Variants in MITF observed in about 807,000 individuals in gnomAD.
The protein encoded by MITF is microphthalmia-associated transcription factor.
MITF carries 17 observed loss-of-function variants against 60.5 expected under a neutral mutation model. That is an observed-to-expected ratio of 0.28 (90% CI 0.19 to 0.42). MITF has a LOEUF of 0.42. MITF is among the 10% of genes least tolerant of loss of function. The pLI is 1.00. For missense variants in MITF, 622 were observed against 683.5 expected (o/e 0.91, Z 1.00); for synonymous variants, 260 against 248.5 (o/e 1.05, Z -0.43).
chr3:69,950,951 A>G (rs1341519663), intron 6 of MITF, among the ~76,000 whole-genome samples: 1 of 152,144 alleles, frequency 6.6e-6, no homozygotes, highest in Non-Finnish European at 1.5e-5. Context: ...TATAGACTCA[A>G]GCTAGTAAAT....
intron 1 of MITF, among the ~76,000 whole-genome samples, chr3:69,869,258 C>T (rs1336461674): frequency 2.0e-5 from 3 of 152,150 alleles, no homozygotes; most frequent in Non-Finnish European, 4.4e-5. Context: ...CTCTGCCCTC[C>T]TGGAGCAGAT....
intron 1 of MITF, among the ~76,000 whole-genome samples, chr3:69,800,298 G>T (rs2062897826): frequency 6.6e-6 from 1 of 152,062 alleles, no homozygotes; most frequent in Non-Finnish European, 1.5e-5. Context: ...CCTTTTTATG[G>T]ACAAGTAATA....
chr3:69,753,203 C>T (rs536123668), intron 1 of MITF, among the ~76,000 whole-genome samples: 2 of 152,324 alleles, frequency 1.3e-5, no homozygotes, highest in South Asian at 2.1e-4. Flanking sequence ...AGGTTACACT[C>T]AGGCCACTGC....
intron 1 of MITF, among the ~76,000 whole-genome samples, chr3:69,750,471 C>CTT (rs199909971): frequency 2.3e-3 from 279 of 123,804 alleles, no homozygotes; most frequent in African/African-American, 8.0e-3. Flanking sequence ...AGTGACACTC[C>CTT]TTTTTTTTTT....
At chr3:69,815,997 G>A (rs1223514966) in intron 1 of MITF, among the ~76,000 whole-genome samples, 1 of 152,118 alleles carries the variant, frequency 6.6e-6, no homozygotes, top group Non-Finnish European at 1.5e-5. Context: ...AACACTCCTG[G>A]TGTTTAAAGA....
At chr3:69,804,731 C>G (rs1230967985) in intron 1 of MITF, among the ~76,000 whole-genome samples, 1 of 152,212 alleles carries the variant, frequency 6.6e-6, no homozygotes, top group Non-Finnish European at 1.5e-5. Context: ...TCTGCAGGGT[C>G]TCAGAGTCCT....
chr3:69,855,836 G>C (rs1436463863), intron 1 of MITF, among the ~76,000 whole-genome samples: 1 of 152,162 alleles, frequency 6.6e-6, no homozygotes, highest in Non-Finnish European at 1.5e-5. Context: ...TAGCATGCCT[G>C]ACATTTTGTT....
chr3:69,936,493 G>A, intron 2 of MITF: 3 of 927,072 alleles, frequency 3.2e-6, no homozygotes, highest in Non-Finnish European at 4.5e-6. Context: ...CAAACTCGTA[G>A]GGCTTCCAAA....
intron 5 of MITF, among the ~76,000 whole-genome samples, chr3:69,944,755 G>A (rs561073187): frequency 2.0e-5 from 3 of 151,998 alleles, no homozygotes; most frequent in African/African-American, 7.3e-5. Context: ...ATTATAAGAG[G>A]TAGCCCACAA....
Position 69,771,856 on chromosome 3 carries a change from G to A in MITF, c.104+32155G>A, listed in dbSNP as rs534583628. On this transcript the variant is annotated intron_variant, in intron 1 of 9. Transcript: ENST00000352241. ...GAATTGGACTGGGTAGCCTGCCATC[G>A]CGATGCATGCTTGATGCATGAGAGG... 3.9e-5 allele frequency among the ~76,000 whole-genome samples: 6 copies of A among 152,250 alleles called. No individual in the cohort carries two copies. In the Middle Eastern group the frequency reaches 0.01, roughly 259 times the overall value.
intron 7 of MITF, among the ~76,000 whole-genome samples, chr3:69,952,385 T>C (rs1373706442): frequency 6.6e-6 from 1 of 152,188 alleles, no homozygotes; most frequent in Non-Finnish European, 1.5e-5. Flanking sequence ...ATTTAAAATA[T>C]TTTTTACGTG....
chr3:69,933,549 A>G (rs1259605325), intron 2 of MITF, among the ~76,000 whole-genome samples: 1 of 152,222 alleles, frequency 6.6e-6, no homozygotes, highest in African/African-American at 2.4e-5. Context: ...GTGAAATTAC[A>G]GGAGTGCTAA....
Position 69,792,998 on chromosome 3 carries a change from C to CTTTTTTTTTTTTTTTT in MITF, c.104+53315_104+53330dup, listed in dbSNP as rs58440406. Among the ~76,000 whole-genome samples, 3 of 31,094 alleles carry CTTTTTTTTTTTTTTTT rather than the reference C, an allele frequency of 9.6e-5. 1 individual carries two copies. The highest frequency in any genetic ancestry group is 5.5e-5 in the Non-Finnish European group (1 of 18,290). The allele number at this position is 31,094 out of a possible 152,430, so 20.4% of individuals were successfully genotyped here. A position where few individuals can be genotyped will look rare whatever the true frequency, so the allele number is the denominator to read the frequency against. ...TTGTTTTATGGGCTAAAGTCTTTAG[C>CTTTTTTTTTTTTTTTT]TTTTTTTTTTTTTTTTTTTTTTTTT... On this transcript the variant is annotated intron_variant, in intron 1 of 9. Transcript: ENST00000352241.
In MITF at chr3:69,879,020, T is replaced by C. The variant is rs2064418391; in HGVS notation, c.105-114T>C. 3 of 819,168 alleles carry C rather than the reference T, an allele frequency of 3.7e-6. No individual in the cohort carries two copies. In the Admixed American group the frequency reaches 5.6e-5, roughly 15 times the overall value. The allele number at this position is 819,168 out of a possible 1,614,324, so 50.7% of individuals were successfully genotyped here. On this transcript the variant is annotated intron_variant, in intron 1 of 9. Transcript: ENST00000352241. ...TGTGGAGTACCATTCTGTGACTTGATTATATTTGCGCAGACTCATTTTATA... is the reference window on the plus strand; with the variant it reads ...TGTGGAGTACCATTCTGTGACTTGACTATATTTGCGCAGACTCATTTTATA...
chr3:69,940,395 A>T (rs1349383833), intron 4 of MITF, among the ~76,000 whole-genome samples: 1 of 152,244 alleles, frequency 6.6e-6, no homozygotes, highest in African/African-American at 2.4e-5. Context: ...GGTGTTTATG[A>T]AGAAATGTTT....
chr3:69,855,019 T>C (rs1189294356), intron 1 of MITF, among the ~76,000 whole-genome samples: 2 of 152,156 alleles, frequency 1.3e-5, no homozygotes, highest in African/African-American at 4.8e-5. Context: ...ATTTTTCTTT[T>C]GTCTTTTGGT....
At chr3:69,905,805 G>A (rs2107366463) in intron 2 of MITF, among the ~76,000 whole-genome samples, 1 of 152,094 alleles carries the variant, frequency 6.6e-6, no homozygotes, top group Middle Eastern at 3.4e-3. Context: ...TTCTTTTGGT[G>A]AAGTGTGTGC....
intron 2 of MITF, among the ~76,000 whole-genome samples, chr3:69,921,358 A>G (rs78648507): frequency 2.0e-5 from 3 of 152,222 alleles, no homozygotes; most frequent in African/African-American, 7.2e-5. Flanking sequence ...TCAATAATGC[A>G]CTCATAGTTG....
chr3:69,880,043 A>G (rs2064449561), intron 2 of MITF, among the ~76,000 whole-genome samples: 1 of 152,232 alleles, frequency 6.6e-6, no homozygotes, highest in African/African-American at 2.4e-5. Context: ...TGTCTTCCAC[A>G]TCACATAGGG....
Sources: gnomAD v4.1 joint callset for allele counts (sites outside exome capture counted in the v4.1 genomes callset) on GRCh38, gnomAD v4.1.1 for gene constraint, MANE v1.5 for transcripts, NCBI Gene and HGNC (gene_info 2026-07-23, HGNC 2026-07-21) for gene names.